Variants in GXYLT2 observed in about 807,000 individuals in gnomAD.
The protein encoded by GXYLT2 is glucoside xylosyltransferase 2, also known as glycosyltransferase 8 domain containing 4.
In GXYLT2, 53 loss-of-function variants were observed where a neutral mutation model predicts 45.8. The observed-to-expected ratio is 1.16, with a 90% CI of 0.93 to 1.46. The LOEUF (loss-of-function observed/expected upper bound fraction) is 1.46. Among genes scored for constraint, GXYLT2 ranks in the 40% most tolerant of loss-of-function variants. The pLI is 0.00. For missense variants in GXYLT2, 551 were observed against 544.4 expected (o/e 1.01, Z -0.12); for synonymous variants, 219 against 214.2 (o/e 1.02, Z -0.19).
rs779537403 is a variant in GXYLT2, at chr3:72,908,487, G to A, written c.396G>A (p.Val132=). 48 of 1,613,838 alleles carry A rather than the reference G, an allele frequency of 3.0e-5. No individual in the cohort carries two copies. The highest frequency in any genetic ancestry group is 4.0e-5 in the African/African-American group (3 of 74,912). The change falls in exon 2 of 7, where the codon GTG becomes GTA. Residue 132 remains valine, a synonymous_variant. Coordinates refer to ENST00000389617, the MANE Select transcript of GXYLT2 (RefSeq NM_001080393.2). ...CGCTGGTCATGCTCAAATCAGCTGTGCTTTTTAGCCACAGGAAGATCCAAT... is the reference window on the plus strand; with the variant it reads ...CGCTGGTCATGCTCAAATCAGCTGTACTTTTTAGCCACAGGAAGATCCAAT... ...EETLVMLKSA[V]LFSHRKIQFH...
At chr3:72,929,004 C>T in intron 3 of GXYLT2, 3 of 1,244,540 alleles carry the variant, frequency 2.4e-6, no homozygotes, top group Non-Finnish European at 3.5e-6. Flanking sequence ...GCCGCTCCAG[C>T]GCCGCGCAGC....
intron 1 of GXYLT2, among the ~76,000 whole-genome samples, chr3:72,896,079 C>T (rs558774575): frequency 1.3e-5 from 2 of 152,270 alleles, no homozygotes; most frequent in Admixed American, 1.3e-4. Flanking sequence ...GTTCTGGGTA[C>T]TATTATTATC....
chr3:72,959,968 C>G (rs769502688), intron 5 of GXYLT2, among the ~76,000 whole-genome samples: 1 of 142,668 alleles, frequency 7.0e-6, no homozygotes, highest in South Asian at 2.3e-4. Context: ...TGTTTTGAGA[C>G]GGAATCTCAC....
chr3:72,917,757 C>CAA (rs756537850), intron 2 of GXYLT2, among the ~76,000 whole-genome samples: 4 of 60,188 alleles, frequency 6.6e-5, no homozygotes, highest in Admixed American at 3.8e-4. Context: ...GGCCCCATCT[C>CAA]AAAAAAAAAA....
intron 6 of GXYLT2, among the ~76,000 whole-genome samples, chr3:72,971,222 G>GGGCT (rs1183571238): frequency 1.3e-5 from 2 of 152,124 alleles, no homozygotes; most frequent in African/African-American, 4.8e-5. Context: ...ATCAGAAAGA[G>GGGCT]GGCTGAACAA....
At chr3:72,952,367 G>T in intron 3 of GXYLT2, among the ~76,000 whole-genome samples, 1 of 152,026 alleles carries the variant, frequency 6.6e-6, no homozygotes, top group South Asian at 2.1e-4. Flanking sequence ...TCATTTTATT[G>T]GTTTGCAACA....
chr3:72,916,813 C>T (rs1276194984), intron 2 of GXYLT2, among the ~76,000 whole-genome samples: 4 of 151,562 alleles, frequency 2.6e-5, no homozygotes, highest in Non-Finnish European at 5.9e-5. Context: ...TGAGCCACCT[C>T]GCCCAGCCGC....
intron 2 of GXYLT2, among the ~76,000 whole-genome samples, chr3:72,909,062 CTTTTT>C (rs71126804): frequency 0.015 from 1,391 of 91,084 alleles, 21 homozygotes; most frequent in African/African-American, 0.056. Context: ...TTCTTCCTTT[CTTTTT>C]TTTTTTTTTT....
Position 72,975,174 on chromosome 3 carries a change from T to G in GXYLT2, c.*15T>G. On this transcript the variant is annotated 3_prime_UTR_variant, in exon 7 of 7. Transcript: ENST00000389617. ...AGATGCACTGAATATTTTGTCTTGT[T>G]GCAAGTCAATTAGGTGTCTTGTGAC... The G allele has an allele frequency of 6.2e-7, 1 of 1,600,212 alleles. No homozygotes were observed. The highest frequency in any genetic ancestry group is 8.5e-7 in the Non-Finnish European group (1 of 1,169,962).
In GXYLT2 at chr3:72,896,195, A is replaced by G. The variant is rs115796351; in HGVS notation, c.275+7687A>G. ...TTGTGGCTTTCTCAGAAATAAGCTCAGTGACAAAATGAGACAATGCAGGTA... is the reference window on the plus strand; with the variant it reads ...TTGTGGCTTTCTCAGAAATAAGCTCGGTGACAAAATGAGACAATGCAGGTA... On this transcript the variant is annotated intron_variant, in intron 1 of 6. Transcript: ENST00000389617. Among the ~76,000 whole-genome samples, 994 of 152,368 alleles carry G rather than the reference A, an allele frequency of 6.5e-3. 13 individuals are homozygous for G. Among genetic ancestry groups the G allele is most frequent in the African/African-American group, 0.023 (949 of 41,582 alleles).
rs1709845361 is a variant in GXYLT2 at position 72,922,261 on chromosome 3, A to G, written c.526A>G (p.Thr176Ala). Residue 176 changes from threonine to alanine, a missense_variant, in exon 3 of 7, where the codon ACA (threonine) becomes GCA (alanine). Transcript: ENST00000389617. The part of the protein sequence containing the change: ...KKFEHRIYPI[T>A]FSVGNPQEWK... ...GTTTGAGCACAGAATCTACCCCATC[A>G]CATTTTCTGTTGGAAACCCTCAGGA... 1 of 1,613,526 alleles carries G rather than the reference A, an allele frequency of 6.2e-7. No homozygotes were observed. The highest frequency in any genetic ancestry group is 1.1e-5 in the South Asian group (1 of 91,072).
intron 1 of GXYLT2, among the ~76,000 whole-genome samples, chr3:72,900,788 T>C (rs1211663817): frequency 4.0e-5 from 6 of 151,802 alleles, no homozygotes; most frequent in African/African-American, 1.5e-4. Context: ...ATCCATGTTA[T>C]AAATGTTAAG....
intron 6 of GXYLT2, among the ~76,000 whole-genome samples, chr3:72,970,904 G>A (rs1710976829): frequency 6.6e-6 from 1 of 152,200 alleles, no homozygotes; most frequent in Admixed American, 6.5e-5. Context: ...CTTCTGTACA[G>A]GGAAAGTGTT....
intron 3 of GXYLT2, among the ~76,000 whole-genome samples, chr3:72,934,850 C>A (rs1239997208): frequency 2.0e-5 from 3 of 152,118 alleles, no homozygotes; most frequent in Non-Finnish European, 4.4e-5. Context: ...GAGCCCAGAA[C>A]CTTGCAAAGA....
At chr3:72,903,705 T>C (rs1709449112) in intron 1 of GXYLT2, among the ~76,000 whole-genome samples, 1 of 152,038 alleles carries the variant, frequency 6.6e-6, no homozygotes, top group Admixed American at 6.6e-5. Context: ...AGGATTTGGG[T>C]AAGGGTCATA....
At chr3:72,906,966 A>G (rs967680727) in intron 1 of GXYLT2, among the ~76,000 whole-genome samples, 4 of 152,186 alleles carry the variant, frequency 2.6e-5, no homozygotes, top group Non-Finnish European at 4.4e-5. Context: ...TGCACTTTAG[A>G]GAAACATCAC....
chr3:72,931,964 A>G (rs1202116246), intron 3 of GXYLT2, among the ~76,000 whole-genome samples: 1 of 152,220 alleles, frequency 6.6e-6, no homozygotes, highest in Non-Finnish European at 1.5e-5. Context: ...TACCAACATT[A>G]CCAAAATAAA....
At chr3:72,911,969 G>T (rs893093323) in intron 2 of GXYLT2, among the ~76,000 whole-genome samples, 1 of 142,862 alleles carries the variant, frequency 7.0e-6, no homozygotes, top group African/African-American at 2.7e-5. Context: ...GTGTGTGTGT[G>T]TGTGTGCATG....
At chr3:72,904,847 C>G (rs1277270023) in intron 1 of GXYLT2, among the ~76,000 whole-genome samples, 1 of 147,988 alleles carries the variant, frequency 6.8e-6, no homozygotes, top group Non-Finnish European at 1.5e-5. Context: ...TCGAGACCAG[C>G]CTGGCAAAAC....
Sources: gnomAD v4.1 joint callset for allele counts (sites outside exome capture counted in the v4.1 genomes callset) on GRCh38, gnomAD v4.1.1 for gene constraint, MANE v1.5 for transcripts, NCBI Gene and HGNC (gene_info 2026-07-23, HGNC 2026-07-21) for gene names.